ARFGAP3: variants seen among roughly 807,000 people sequenced by gnomAD.
ARFGAP3 encodes the protein ARF GTPase activating protein 3, also known as ADP-ribosylation factor GTPase-activating protein 3.
In ARFGAP3, 72 loss-of-function variants were observed where a neutral mutation model predicts 75.0. The ratio of observed to expected loss-of-function variants is 0.96; its 90% confidence interval spans 0.79 to 1.17. ARFGAP3 has a LOEUF of 1.17. ARFGAP3 is among the 50% of genes most tolerant of loss of function. ARFGAP3 has a pLI of 0.00. For missense variants in ARFGAP3, 620 were observed against 626.6 expected, an observed-to-expected ratio of 0.99 and a Z score of 0.11; for synonymous variants, 221 against 217.9, an observed-to-expected ratio of 1.01 and a Z score of -0.13.
chr22:42,820,293 T>G (rs1985714), intron 9 of ARFGAP3, among the ~76,000 whole-genome samples: 26,869 of 152,178 alleles, frequency 0.18, 3,755 homozygotes, highest in East Asian at 0.56. Flanking sequence ...TTAAAGTCTG[T>G]GACAAGTCAA....
At chr22:42,840,221 C>T (rs1228361264) in intron 3 of ARFGAP3, among the ~76,000 whole-genome samples, 6 of 152,154 alleles carry the variant, frequency 3.9e-5, no homozygotes, top group Non-Finnish European at 7.4e-5. Context: ...CATGAGCCAC[C>T]GTGCCCAGCT....
chr22:42,797,743 T>C (rs1032923098), intron 15 of ARFGAP3, 138 bp from the exon 16 acceptor site: 1 of 1,566,752 alleles, frequency 6.4e-7, no homozygotes, highest in African/African-American at 1.4e-5. Flanking sequence ...ACCCCGAGGG[T>C]GTGCTCATCT....
At chr22:42,808,226 C>A (rs1925211673) in intron 13 of ARFGAP3, among the ~76,000 whole-genome samples, 1 of 151,706 alleles carries the variant, frequency 6.6e-6, no homozygotes, top group Non-Finnish European at 1.5e-5. Context: ...GGTGAAACCT[C>A]ATCTCTACTA....
chr22:42,816,721 A>G (rs186245401), intron 11 of ARFGAP3, among the ~76,000 whole-genome samples: 1 of 152,338 alleles, frequency 6.6e-6, no homozygotes, highest in East Asian at 1.9e-4. Context: ...CATAGAGTTT[A>G]TTTAATGCAC....
At chr22:42,853,791 C>A in intron 1 of ARFGAP3, 1 of 165,692 alleles carries the variant, frequency 6.0e-6, no homozygotes, top group Non-Finnish European at 1.4e-5. Context: ...TTCCTTGAGG[C>A]ACTGGCATCC....
intron 1 of ARFGAP3, among the ~76,000 whole-genome samples, chr22:42,849,705 T>C (rs1664482329): frequency 6.6e-6 from 1 of 151,854 alleles, no homozygotes; most frequent in Non-Finnish European, 1.5e-5. Context: ...TTAGGACAAG[T>C]GTATGCCACC....
intron 1 of ARFGAP3, among the ~76,000 whole-genome samples, chr22:42,856,786 C>A (rs1281283012): frequency 6.6e-6 from 1 of 151,332 alleles, no homozygotes; most frequent in East Asian, 1.9e-4. Context: ...GCAGCGCCCC[C>A]GAGGATGCCC....
rs1299700972 is a variant in ARFGAP3 at position 42,822,374 on chromosome 22, T to A, written c.708A>T (p.Lys236Asn). ...GAKKGSLGAQ[K>N]LANTCFNEIE... is the part of the protein sequence containing the mutation. ...TTTCATTAAAGCATGTGTTTGCCAGTTTCTGAGCTCCCAAACTTCCTTTTT... is the reference window on the plus strand; with the variant it reads ...TTTCATTAAAGCATGTGTTTGCCAGATTCTGAGCTCCCAAACTTCCTTTTT... The change falls in exon 9 of 16, where the codon AAA becomes AAT. Residue 236 changes from lysine (K) to asparagine (N), a missense_variant. Physicochemically the swap from Lys to Asn is moderately conservative, Grantham distance 94 (BLOSUM62 0). Transcript: ENST00000263245. 2 of 1,614,054 alleles carry A rather than the reference T, an allele frequency of 1.2e-6. No homozygotes were observed. The highest frequency in any genetic ancestry group is 2.2e-5 in the South Asian group (2 of 91,078).
At chr22:42,826,866 A>G in intron 7 of ARFGAP3, 74 bp downstream of exon 7, 1 of 1,379,224 alleles carries the variant, frequency 7.3e-7, no homozygotes. Flanking sequence ...GCCCAGGCCA[A>G]ATGCAAGAGG....
intron 2 of ARFGAP3, among the ~76,000 whole-genome samples, chr22:42,846,897 A>G (rs967138065): frequency 1.3e-5 from 2 of 152,222 alleles, no homozygotes; most frequent in Non-Finnish European, 2.9e-5. Context: ...TAAAGAAAAG[A>G]AGTTGATTTC....
At chr22:42,854,401 G>T (rs547232211) in intron 1 of ARFGAP3, among the ~76,000 whole-genome samples, 9 of 152,178 alleles carry the variant, frequency 5.9e-5, no homozygotes, top group African/African-American at 2.2e-4. Flanking sequence ...GAGACAGGCG[G>T]ATCACTTTAG....
chr22:42,811,876 GA>G (rs1339929972), intron 11 of ARFGAP3, among the ~76,000 whole-genome samples: 2 of 152,048 alleles, frequency 1.3e-5, no homozygotes, highest in Non-Finnish European at 2.9e-5. Flanking sequence ...AAAACCTTGA[GA>G]AAAAGTGACC....
intron 13 of ARFGAP3, 183 bp from the exon 14 acceptor site, chr22:42,807,346 G>T: frequency 1.2e-6 from 1 of 824,866 alleles, no homozygotes; most frequent in Non-Finnish European, 1.5e-6. Flanking sequence ...TGTTCTGCAT[G>T]GGAGGCAGGT....
chr22:42,829,999 T>C (rs1423448895), intron 6 of ARFGAP3, among the ~76,000 whole-genome samples: 1 of 152,268 alleles, frequency 6.6e-6, no homozygotes, highest in Non-Finnish European at 1.5e-5. Flanking sequence ...CCTGATTCAC[T>C]GATATGTCTA....
At chr22:42,803,245 C>T (rs538264388) in intron 14 of ARFGAP3, among the ~76,000 whole-genome samples, 3 of 152,070 alleles carry the variant, frequency 2.0e-5, no homozygotes, top group Non-Finnish European at 2.9e-5. Flanking sequence ...GGCCACTGCA[C>T]AGCTATACTG....
chr22:42,826,446 C>T (rs1485937021), intron 7 of ARFGAP3, among the ~76,000 whole-genome samples: 4 of 151,586 alleles, frequency 2.6e-5, no homozygotes, highest in African/African-American at 9.7e-5. Context: ...GTGGTGTGAT[C>T]ATGGCTCACT....
chr22:42,833,853 T>G (rs926469573), intron 5 of ARFGAP3, among the ~76,000 whole-genome samples: 2 of 152,018 alleles, frequency 1.3e-5, no homozygotes, highest in Non-Finnish European at 2.9e-5. Context: ...GGGGCAGAGG[T>G]TGTAATGAGC....
chr22:42,828,316 T>C (rs1186151795), intron 6 of ARFGAP3, among the ~76,000 whole-genome samples: 5 of 143,482 alleles, frequency 3.5e-5, no homozygotes, highest in East Asian at 2.1e-4. Flanking sequence ...CCCGGCACTT[T>C]GGGAGGCCAA....
intron 1 of ARFGAP3, chr22:42,853,630 G>T: frequency 5.7e-6 from 1 of 175,938 alleles, no homozygotes; most frequent in South Asian, 1.1e-4. Context: ...ATGTTGAGAA[G>T]AGGGCCCAGA....
Sources: gnomAD v4.1 joint callset for allele counts (sites outside exome capture counted in the v4.1 genomes callset) on GRCh38, gnomAD v4.1.1 for gene constraint, MANE v1.5 for transcripts, NCBI Gene and HGNC (gene_info 2026-07-23, HGNC 2026-07-21) for gene names.